ERC1: variants seen among roughly 807,000 people sequenced by gnomAD.
The protein encoded by ERC1 is ELKS/RAB6-interacting/CAST family member 1, also known as RAB6 interacting protein 2.
A neutral mutation model predicts 132.0 loss-of-function variants in ERC1; 56 were observed. That is an observed-to-expected ratio of 0.42 (90% CI 0.34 to 0.53). ERC1 has a LOEUF of 0.53. ERC1 is among the 20% of genes least tolerant of loss of function. The probability of loss-of-function intolerance (pLI) is 0.03; values close to 1 mark genes in which losing one functional copy is unlikely to be tolerated. For synonymous variants in ERC1, 478 were observed against 476.1 expected (o/e 1.00, Z -0.05); for missense variants, 1,202 against 1,349.9 (o/e 0.89, Z 1.72).
At chr12:1,464,668 G>A (rs1220595434) in intron 18 of ERC1, among the ~76,000 whole-genome samples, 2 of 151,564 alleles carry the variant, frequency 1.3e-5, no homozygotes, top group African/African-American at 4.8e-5. Flanking sequence ...CTACAGGTGT[G>A]CACCATGACG....
intron 14 of ERC1, among the ~76,000 whole-genome samples, chr12:1,286,316 A>T (rs2079042859): frequency 6.6e-6 from 1 of 151,564 alleles, no homozygotes; most frequent in South Asian, 2.1e-4. Context: ...AAAAAAGAAA[A>T]CTAATTACTA....
chr12:1,429,082 TG>T (rs1426657781), intron 17 of ERC1, among the ~76,000 whole-genome samples: 1 of 152,216 alleles, frequency 6.6e-6, no homozygotes, highest in African/African-American at 2.4e-5. Context: ...GCAAAACACT[TG>T]TTAGCAAAAC....
At chr12:1,351,370 G>T (rs1399242788) in intron 15 of ERC1, among the ~76,000 whole-genome samples, 8 of 152,192 alleles carry the variant, frequency 5.3e-5, no homozygotes, top group Non-Finnish European at 1.2e-4. Context: ...GTTTAGTTGT[G>T]TACAGAACTG....
At chr12:1,077,509 G>GAT (rs1369438895) in intron 2 of ERC1, among the ~76,000 whole-genome samples, 4 of 152,156 alleles carry the variant, frequency 2.6e-5, no homozygotes, top group African/African-American at 9.7e-5. Context: ...ATTTCATTGA[G>GAT]ATATAGCTTG....
At chr12:1,001,572 T>A (rs1309735555) in intron 1 of ERC1, among the ~76,000 whole-genome samples, 1 of 152,194 alleles carries the variant, frequency 6.6e-6, no homozygotes, top group Non-Finnish European at 1.5e-5. Context: ...GAGAATCACC[T>A]TCTTTTTTTG....
At chr12:1,418,637 T>TC (rs1565396206) in intron 17 of ERC1, among the ~76,000 whole-genome samples, 20 of 67,264 alleles carry the variant, frequency 3.0e-4, no homozygotes, top group African/African-American at 1.3e-3. Flanking sequence ...CTTTCTTTCT[T>TC]TCTTTCTCTC....
chr12:1,163,490 A>T (rs1394589471), intron 8 of ERC1, among the ~76,000 whole-genome samples: 3 of 152,226 alleles, frequency 2.0e-5, no homozygotes, highest in Non-Finnish European at 2.9e-5. Context: ...TTGCTGCATG[A>T]TAACTGCCCT....
intron 8 of ERC1, among the ~76,000 whole-genome samples, chr12:1,169,063 T>C (rs1952768032): frequency 6.6e-6 from 1 of 152,218 alleles, no homozygotes; most frequent in Non-Finnish European, 1.5e-5. Context: ...GTTGGTGATA[T>C]ACACTGGTTT....
chr12:1,365,080 T>G (rs1273312047), intron 15 of ERC1, among the ~76,000 whole-genome samples: 1 of 152,212 alleles, frequency 6.6e-6, no homozygotes, highest in Non-Finnish European at 1.5e-5. Flanking sequence ...TCTTTTTAGA[T>G]TAACATAGCC....
rs1258356074 is a variant in ERC1 at position 1,112,211 on chromosome 12, A to G, written c.1318-4A>G. 6.2e-7 allele frequency: 1 copy of G among 1,604,240 alleles called. No individual in the cohort carries two copies. Among genetic ancestry groups the G allele is most frequent in the Non-Finnish European group, 8.5e-7 (1 of 1,171,356 alleles). Reference sequence around the variant, plus strand: ...AGTGAAAAAGAATAATAATGTCGTGACAGGTAGAACAACTGAAGGAGGAAC... The same window carrying G: ...AGTGAAAAAGAATAATAATGTCGTGGCAGGTAGAACAACTGAAGGAGGAAC... On this transcript the variant is annotated splice_polypyrimidine_tract_variant and splice_region_variant and intron_variant, in intron 5 of 18. Transcript: ENST00000360905.
chr12:1,126,986 C>CAAAAAAAAAAAAAAAAAAAAAAAAAAAAA (rs71055135), intron 7 of ERC1, among the ~76,000 whole-genome samples: 2 of 114,190 alleles, frequency 1.8e-5, no homozygotes, highest in African/African-American at 4.3e-5. Context: ...GATTCTGTCT[C>CAAAAAAAAAAAAAAAAAAAAAAAAAAAAA]AAAAAAAAAA....
chr12:1,479,578 T>C (rs1033719311), intron 18 of ERC1, among the ~76,000 whole-genome samples: 25 of 152,200 alleles, frequency 1.6e-4, no homozygotes, highest in African/African-American at 5.5e-4. Flanking sequence ...TAGACTATTC[T>C]TTTGAGAAAT....
At chr12:1,067,338 G>T (rs1282908749) in intron 2 of ERC1, among the ~76,000 whole-genome samples, 1 of 152,178 alleles carries the variant, frequency 6.6e-6, no homozygotes, top group African/African-American at 2.4e-5. Flanking sequence ...GTTTGGGGAA[G>T]AGTATTCTAA....
At chr12:1,191,753 C>T (rs930751740) in intron 12 of ERC1, among the ~76,000 whole-genome samples, 9 of 151,830 alleles carry the variant, frequency 5.9e-5, no homozygotes, top group African/African-American at 1.2e-4. Context: ...CAGAATGTAA[C>T]TCTTATAAAA....
At chr12:1,439,805 A>G (rs12310018) in intron 17 of ERC1, among the ~76,000 whole-genome samples, 17,246 of 152,154 alleles carry the variant, frequency 0.11, 2,509 homozygotes, top group African/African-American at 0.34. Flanking sequence ...CTACTTGGCA[A>G]ATGTCCCTCT....
At chr12:1,120,997 G>A (rs575271330) in intron 7 of ERC1, among the ~76,000 whole-genome samples, 27 of 152,218 alleles carry the variant, frequency 1.8e-4, no homozygotes, top group African/African-American at 5.8e-4. Flanking sequence ...GAACTAGAGG[G>A]CATTTTTAGA....
At chr12:1,181,783 CAAAAA>C (rs35973834) in intron 9 of ERC1, 137 bp from the exon 10 acceptor site, 3 of 700,530 alleles carry the variant, frequency 4.3e-6, no homozygotes, top group African/African-American at 4.0e-5. Context: ...AACTCTGTCT[CAAAAA>C]AAAAAAAAAA....
chr12:1,283,774 T>A (rs2078850741), intron 14 of ERC1, among the ~76,000 whole-genome samples: 1 of 150,290 alleles, frequency 6.7e-6, no homozygotes, highest in Non-Finnish European at 1.5e-5. Flanking sequence ...GATTTTTAAA[T>A]TTTTTAACAA....
intron 15 of ERC1, among the ~76,000 whole-genome samples, chr12:1,315,089 T>G (rs2154351643): frequency 6.6e-6 from 1 of 152,258 alleles, no homozygotes; most frequent in South Asian, 2.1e-4. Flanking sequence ...TCACTCTCTC[T>G]GCTCACTGCA....
Sources: gnomAD v4.1 joint callset for allele counts (sites outside exome capture counted in the v4.1 genomes callset) on GRCh38, gnomAD v4.1.1 for gene constraint, MANE v1.5 for transcripts, NCBI Gene and HGNC (gene_info 2026-07-23, HGNC 2026-07-21) for gene names.